The following SLC25A26 variants were observed in gnomAD, a reference collection of about 807,000 sequenced individuals.
SLC25A26 encodes mitochondrial S-adenosylmethionine carrier protein.
In SLC25A26, 36 loss-of-function variants were observed where a neutral mutation model predicts 37.8. The observed-to-expected ratio is 0.95, with a 90% CI of 0.73 to 1.26. The LOEUF is 1.26. Among genes scored for constraint, SLC25A26 ranks in the 50% most tolerant of loss-of-function variants. The probability of loss-of-function intolerance (pLI) is 0.00; values close to 1 mark genes in which losing one functional copy is unlikely to be tolerated. For missense variants in SLC25A26, 390 were observed against 331.1 expected (o/e 1.18, Z -1.38); for synonymous variants, 129 against 122.5 (o/e 1.05, Z -0.35).
At chr3:66,198,685 T>G (rs1365041871) in intron 1 of SLC25A26, among the ~76,000 whole-genome samples, 1 of 152,032 alleles carries the variant, frequency 6.6e-6, no homozygotes, top group Non-Finnish European at 1.5e-5. Context: ...ACACTCACCC[T>G]GACACTGAAT....
In SLC25A26 at chr3:66,308,191, T is replaced by A. The variant is rs1027092369; in HGVS notation, c.454-38173T>A. On this transcript the variant is annotated intron_variant, in intron 5 of 9. Transcript: ENST00000354883. ...TCTTATTTTCTTGAGCAGTAATTTG[T>A]AGTTCTCCTTTAAGAGGTCCTTCAC... Among the ~76,000 whole-genome samples, 5 of 152,324 alleles carry A rather than the reference T, an allele frequency of 3.3e-5. No homozygotes were observed. In the South Asian group the frequency reaches 1.0e-3, roughly 32 times the overall value.
At chr3:66,295,409 T>A (rs890299161) in intron 5 of SLC25A26, among the ~76,000 whole-genome samples, 1 of 148,888 alleles carries the variant, frequency 6.7e-6, no homozygotes, top group African/African-American at 2.5e-5. Flanking sequence ...ATTTTTGTTT[T>A]TTTTTTTTTT....
chr3:66,341,080 T>A (rs1271600256), intron 5 of SLC25A26, among the ~76,000 whole-genome samples: 1 of 152,098 alleles, frequency 6.6e-6, no homozygotes, highest in African/African-American at 2.4e-5. Context: ...TTGTTTTTCT[T>A]GCCTGATTGC....
intron 7 of SLC25A26, among the ~76,000 whole-genome samples, chr3:66,368,879 A>G (rs1323820199): frequency 6.6e-6 from 1 of 152,018 alleles, no homozygotes; most frequent in African/African-American, 2.4e-5. Flanking sequence ...TTAGCCAAGC[A>G]TGGTGGTGCG....
chr3:66,213,471 A>AT (rs1234116446), intron 1 of SLC25A26, among the ~76,000 whole-genome samples: 1 of 149,096 alleles, frequency 6.7e-6, no homozygotes, highest in Non-Finnish European at 1.5e-5. Context: ...ATTTAATGTA[A>AT]TTTTTTTTAG....
chr3:66,333,241 G>C lies in SLC25A26; in HGVS notation c.454-13123G>C, dbSNP rs7433821. 7.8e-3 allele frequency among the ~76,000 whole-genome samples: 1,192 copies of C among 152,166 alleles called. 39 individuals carry two copies. Among genetic ancestry groups the C allele is most frequent in the East Asian group, 0.075 (389 of 5,170 alleles). On this transcript the variant is annotated intron_variant, in intron 5 of 9. Coordinates refer to ENST00000354883, the MANE Select transcript of SLC25A26 (RefSeq NM_001379210.1). ...GCAAATATTCTTCTGCTTTATTACT[G>C]CCTCTCCTCCGTCTTTTCATCTTTC...
At chr3:66,195,305 C>T (rs886826185) in intron 1 of SLC25A26, among the ~76,000 whole-genome samples, 288 of 152,338 alleles carry the variant, frequency 1.9e-3, no homozygotes, top group African/African-American at 6.4e-3. Context: ...GGGGAAAAGC[C>T]CCCTGCCCAA....
intron 1 of SLC25A26, among the ~76,000 whole-genome samples, chr3:66,134,688 A>G (rs1384953665): frequency 6.6e-6 from 1 of 152,206 alleles, no homozygotes; most frequent in African/African-American, 2.4e-5. Flanking sequence ...ATCACTAAAA[A>G]TCATGTCCAT....
intron 1 of SLC25A26, among the ~76,000 whole-genome samples, chr3:66,186,929 A>AC (rs2070840002): frequency 1.3e-5 from 2 of 151,398 alleles, no homozygotes. Flanking sequence ...CCTGATCCTC[A>AC]CCCTCTACTT....
At chr3:66,144,788 T>G (rs534877418) in intron 1 of SLC25A26, among the ~76,000 whole-genome samples, 1 of 152,300 alleles carries the variant, frequency 6.6e-6, no homozygotes, top group Admixed American at 6.5e-5. Flanking sequence ...TGCTAACTCA[T>G]TGAGTGTCTT....
In SLC25A26 at chr3:66,236,160, C is replaced by A. The variant is rs561971764; in HGVS notation, c.34-384C>A. On this transcript the variant is annotated intron_variant, in intron 1 of 9. Coordinates refer to ENST00000354883, the MANE Select transcript of SLC25A26 (RefSeq NM_001379210.1). ...CTCCTGGCCTCAAGTGATCCTCCCA[C>A]CTCTGCCTCCCATACTGCTGGGAGG... Among the ~76,000 whole-genome samples, 5 of 150,464 alleles carry A rather than the reference C, an allele frequency of 3.3e-5. No individual in the cohort carries two copies. In the South Asian group the frequency reaches 1.0e-3, roughly 32 times the overall value.
intron 1 of SLC25A26, among the ~76,000 whole-genome samples, chr3:66,202,894 A>T (rs1352985436): frequency 6.6e-6 from 1 of 152,232 alleles, no homozygotes; most frequent in Non-Finnish European, 1.5e-5. Context: ...AAAGCTTGAC[A>T]CATTATTTTG....
chr3:66,267,237 G>T (rs1355216600), intron 5 of SLC25A26, among the ~76,000 whole-genome samples: 1 of 152,216 alleles, frequency 6.6e-6, no homozygotes, highest in Non-Finnish European at 1.5e-5. Flanking sequence ...ATTGTTGAAG[G>T]AGTGGCAGTT....
At chr3:66,153,851 A>G (rs576149536) in intron 1 of SLC25A26, among the ~76,000 whole-genome samples, 47 of 152,348 alleles carry the variant, frequency 3.1e-4, no homozygotes, top group Non-Finnish European at 6.3e-4. Flanking sequence ...GTCTGAAGAC[A>G]GTGTTACTGC....
chr3:66,174,658 C>T lies in SLC25A26; in HGVS notation c.-354+40674C>T, dbSNP rs1419367676. Among the ~76,000 whole-genome samples the T allele has an allele frequency of 2.6e-5, 4 of 151,830 alleles. No homozygotes were observed. The East Asian group carries it at 5.8e-4, about 22-fold the overall frequency. ...AAAATTAGCTGGGCATGGTGGCGGG[C>T]GCCTGTAGTCCCACCTACTCGGGAG... is the stretch of plus-strand genomic sequence containing the variant. On this transcript the variant is annotated intron_variant, in intron 1 of 10. Transcript: ENST00000676754.
intron 1 of SLC25A26, among the ~76,000 whole-genome samples, chr3:66,148,298 A>C (rs1477755888): frequency 6.6e-6 from 1 of 152,180 alleles, no homozygotes; most frequent in Non-Finnish European, 1.5e-5. Flanking sequence ...GAGAGAAGTG[A>C]GCAGGGTTAA....
chr3:66,263,476 A>G, intron 5 of SLC25A26, 97 bp downstream of exon 5: 1 of 792,180 alleles, frequency 1.3e-6, no homozygotes. Context: ...ATTTGGAGAA[A>G]CTTGGTTTAA....
At chr3:66,265,509 G>A (rs886397152) in intron 5 of SLC25A26, among the ~76,000 whole-genome samples, 4 of 152,092 alleles carry the variant, frequency 2.6e-5, no homozygotes, top group African/African-American at 7.2e-5. Flanking sequence ...CTGCATCTGC[G>A]TTTTCTATTT....
At chr3:66,303,946 C>G (rs774202638) in intron 5 of SLC25A26, among the ~76,000 whole-genome samples, 10 of 152,232 alleles carry the variant, frequency 6.6e-5, no homozygotes, top group Non-Finnish European at 1.3e-4. Flanking sequence ...CCACACTTTA[C>G]TTCCAGAGGC....
Sources: gnomAD v4.1 joint callset for allele counts (sites outside exome capture counted in the v4.1 genomes callset) on GRCh38, gnomAD v4.1.1 for gene constraint, MANE v1.5 for transcripts, NCBI Gene and HGNC (gene_info 2026-07-23, HGNC 2026-07-21) for gene names.